The following COPG2 variants were observed in gnomAD, a reference collection of about 807,000 sequenced individuals.
The protein encoded by COPG2 is coat protein complex I subunit gamma 2.
A neutral mutation model predicts 46.3 loss-of-function variants in COPG2; 37 were observed. The observed-to-expected ratio is 0.80, with a 90% CI of 0.61 to 1.05. The LOEUF (loss-of-function observed/expected upper bound fraction) is 1.05, where lower values mean the gene tolerates loss of function less well. COPG2 is among the 50% of genes least tolerant of loss of function. COPG2 has a pLI of 0.00. For missense variants in COPG2, 427 were observed against 387.8 expected (o/e 1.10, Z -0.85); for synonymous variants, 159 against 129.7 (o/e 1.23, Z -1.53).
intron 20 of COPG2, among the ~76,000 whole-genome samples, chr7:130,539,984 A>G (rs1488034591): frequency 2.9e-5 from 4 of 140,178 alleles, no homozygotes; most frequent in African/African-American, 5.2e-5. Flanking sequence ...TTGTTGCAGA[A>G]GTGTGAATCT....
intron 19 of COPG2, among the ~76,000 whole-genome samples, 178 bp from the exon 20 acceptor site, chr7:130,548,023 A>G (rs1160593027): frequency 6.6e-6 from 1 of 152,158 alleles, no homozygotes; most frequent in African/African-American, 2.4e-5. Flanking sequence ...TCTTTTGTTT[A>G]TATTATTCAT....
At chr7:130,513,389 GTA>G (rs1229878158) in intron 20 of COPG2, among the ~76,000 whole-genome samples, 12 of 105,824 alleles carry the variant, frequency 1.1e-4, no homozygotes, top group African/African-American at 3.1e-4. Context: ...GTGTGTGTGT[GTA>G]TATATATATA....
intron 11 of COPG2, among the ~76,000 whole-genome samples, chr7:130,562,532 A>G (rs1323217553): frequency 1.8e-4 from 27 of 152,094 alleles, no homozygotes; most frequent in Non-Finnish European, 8.8e-5. Context: ...TTCTATGCTT[A>G]TTTAATTTAT....
At chr7:130,600,142 A>G (rs1452914097) in intron 9 of COPG2, among the ~76,000 whole-genome samples, 2 of 152,198 alleles carry the variant, frequency 1.3e-5, no homozygotes, top group African/African-American at 2.4e-5. Context: ...CTGTATTAAG[A>G]TTTTGATGTG....
At chr7:130,640,218 C>T (rs1422413777) in intron 5 of COPG2, among the ~76,000 whole-genome samples, 1 of 108,184 alleles carries the variant, frequency 9.2e-6, no homozygotes, top group Non-Finnish European at 1.7e-5. Flanking sequence ...GGGCTTCTTT[C>T]TCAGTCTCTA....
intron 9 of COPG2, among the ~76,000 whole-genome samples, chr7:130,575,155 C>G (rs1436450460): frequency 6.6e-6 from 1 of 152,040 alleles, no homozygotes; most frequent in African/African-American, 2.4e-5. Context: ...GGAAAATTTC[C>G]CCGGCCTTGC....
chr7:130,576,997 A>G (rs1352788239), intron 9 of COPG2, among the ~76,000 whole-genome samples: 1 of 152,194 alleles, frequency 6.6e-6, no homozygotes, highest in African/African-American at 2.4e-5. Context: ...TTACACACAT[A>G]AACTAGAAAA....
At chr7:130,634,316 T>C (rs188732161) in intron 5 of COPG2, among the ~76,000 whole-genome samples, 78 of 152,340 alleles carry the variant, frequency 5.1e-4, no homozygotes, top group African/African-American at 1.6e-3. Flanking sequence ...TTGGGCAGTA[T>C]GGCCATTTTC....
chr7:130,576,781 GAAAC>G (rs200124275), intron 9 of COPG2, among the ~76,000 whole-genome samples: 1,541 of 152,062 alleles, frequency 0.01, 12 homozygotes, highest in Middle Eastern at 0.034. Context: ...AAATGAAATT[GAAAC>G]AAACAAACAA....
intron 4 of COPG2, among the ~76,000 whole-genome samples, chr7:130,661,547 G>T (rs1400556043): frequency 6.6e-6 from 1 of 152,224 alleles, no homozygotes; most frequent in Non-Finnish European, 1.5e-5. Flanking sequence ...AGTCCTTAAA[G>T]ATATGAACCT....
At chr7:130,584,403 G>A (rs891270096) in intron 9 of COPG2, among the ~76,000 whole-genome samples, 1 of 151,972 alleles carries the variant, frequency 6.6e-6, no homozygotes, top group Admixed American at 6.6e-5. Context: ...ACTGAAACAA[G>A]ATAACGATGC....
At chr7:130,509,551 TGGGTAA>T in intron 20 of COPG2, 1 of 416,788 alleles carries the variant, frequency 2.4e-6, no homozygotes. Flanking sequence ...TACGACAGAT[TGGGTAA>T]TAAGACTTTC....
intron 6 of COPG2, among the ~76,000 whole-genome samples, chr7:130,615,041 C>T (rs539092715): frequency 6.6e-6 from 1 of 152,272 alleles, no homozygotes; most frequent in Admixed American, 6.5e-5. Flanking sequence ...ACTTGTTGTT[C>T]TTGGAATAGA....
intron 9 of COPG2, among the ~76,000 whole-genome samples, chr7:130,584,468 G>A (rs1554447730): frequency 6.6e-6 from 1 of 151,926 alleles, no homozygotes; most frequent in East Asian, 1.9e-4. Context: ...AATCAGACAA[G>A]GATGCCCAAG....
Position 130,668,620 on chromosome 7 carries a change from C to G in COPG2, c.37+12G>C, listed in dbSNP as rs1554461977. On this transcript the variant is annotated intron_variant, in intron 1 of 23. Transcript: ENST00000425248. ...CGCGGCTGAGGGTGGGCCTCGGAAG[C>G]CCCGCGCGTACCAGACTCCTCGTCC... 1 of 1,528,832 alleles carries G rather than the reference C, an allele frequency of 6.5e-7. No homozygotes were observed. The highest frequency in any genetic ancestry group is 1.2e-5 in the South Asian group (1 of 81,194). The allele number at this position is 1,528,832 out of a possible 1,614,324, so 94.7% of individuals were successfully genotyped here.
At chr7:130,599,996 G>A (rs1794604515) in intron 9 of COPG2, among the ~76,000 whole-genome samples, 1 of 151,990 alleles carries the variant, frequency 6.6e-6, no homozygotes, top group South Asian at 2.1e-4. Context: ...TTAGATGCAG[G>A]GTTCTAAATA....
chr7:130,564,555 T>C (rs1358107625), intron 9 of COPG2, 162 bp from the exon 10 acceptor site: 1 of 395,238 alleles, frequency 2.5e-6, no homozygotes, highest in African/African-American at 2.1e-5. Flanking sequence ...CTGGCAAAAT[T>C]GTCAAAATCA....
chr7:130,635,522 T>C (rs1449142771), intron 5 of COPG2, among the ~76,000 whole-genome samples: 5 of 148,216 alleles, frequency 3.4e-5, no homozygotes, highest in South Asian at 2.2e-4. Context: ...TATTCTGTTA[T>C]GGTAGTTTGT....
chr7:130,661,783 A>C (rs915271046), intron 4 of COPG2, among the ~76,000 whole-genome samples: 11 of 152,346 alleles, frequency 7.2e-5, no homozygotes, highest in Admixed American at 2.6e-4. Context: ...GGTACACTGG[A>C]TAATTCTTTT....
Sources: gnomAD v4.1 joint callset for allele counts (sites outside exome capture counted in the v4.1 genomes callset) on GRCh38, gnomAD v4.1.1 for gene constraint, MANE v1.5 for transcripts, NCBI Gene and HGNC (gene_info 2026-07-23, HGNC 2026-07-21) for gene names.